RSBN1: variants seen among roughly 807,000 people sequenced by gnomAD.
RSBN1 encodes the protein lysine-specific demethylase 9.
In RSBN1, 23 loss-of-function variants were observed where a neutral mutation model predicts 74.8. That is an observed-to-expected ratio of 0.31 (90% CI 0.22 to 0.44). The LOEUF (loss-of-function observed/expected upper bound fraction) is 0.44. Among genes scored for constraint, RSBN1 ranks in the 20% least tolerant of loss-of-function variants. RSBN1 has a pLI of 1.00. For synonymous variants in RSBN1, 407 were observed against 379.6 expected (o/e 1.07, Z -0.84); for missense variants, 808 against 1,020.9 (o/e 0.79, Z 2.84).
At chr1:113,766,485 A>C in intron 6 of RSBN1, 32 bp from the exon 7 acceptor site, 1 of 1,360,738 alleles carries the variant, frequency 7.3e-7, no homozygotes, top group East Asian at 2.3e-5. Flanking sequence ...GTGAGACTTT[A>C]AAATATGTAA....
chr1:113,811,243 A>C (rs919208398), intron 1 of RSBN1, among the ~76,000 whole-genome samples: 3 of 152,244 alleles, frequency 2.0e-5, no homozygotes, highest in African/African-American at 7.2e-5. Flanking sequence ...AGCTAAGTCA[A>C]CCAGTGAGTC....
intron 1 of RSBN1, among the ~76,000 whole-genome samples, chr1:113,809,165 AG>A (rs1461097837): frequency 6.6e-6 from 1 of 152,182 alleles, no homozygotes; most frequent in African/African-American, 2.4e-5. Context: ...GAGTTGTTTT[AG>A]GGACCATGCA....
chr1:113,770,836 T>C (rs1659873227), intron 4 of RSBN1, among the ~76,000 whole-genome samples: 1 of 151,912 alleles, frequency 6.6e-6, no homozygotes, highest in South Asian at 2.1e-4. Flanking sequence ...AAAAGTCCAG[T>C]AAATGTCTCC....
At position 113,797,920 on chromosome 1, in the gene RSBN1, A is replaced by T. The variant is rs761853551; in HGVS notation, c.820T>A (p.Tyr274Asn). The change falls in exon 2 of 7, where the codon TAC (tyrosine) becomes AAC (asparagine). Residue 274 changes from tyrosine (Y) to asparagine (N), a missense_variant. Tyr to Asn is a moderately radical substitution (Grantham distance 143). Coordinates refer to ENST00000261441, the MANE Select transcript of RSBN1 (RefSeq NM_018364.5). ...EDMRGRRLKM[Y>N]NKEVQTVCAG... ...CAGACGGTTTGTACTTCCTTATTGT[A>T]CATTTTAAGGCGTCTTCCTCGCATG... 2 of 1,610,826 alleles carry T rather than the reference A, an allele frequency of 1.2e-6. No homozygotes were observed. Among genetic ancestry groups the T allele is most frequent in the Non-Finnish European group, 1.7e-6 (2 of 1,179,014 alleles).
intron 1 of RSBN1, among the ~76,000 whole-genome samples, chr1:113,806,993 A>G (rs1660713558): frequency 6.6e-6 from 1 of 151,840 alleles, no homozygotes; most frequent in Non-Finnish European, 1.5e-5. Flanking sequence ...AGCCTGGGTA[A>G]CTGAGTGAGA....
intron 2 of RSBN1, among the ~76,000 whole-genome samples, chr1:113,794,318 A>G (rs978312239): frequency 6.6e-6 from 1 of 152,136 alleles, no homozygotes; most frequent in Non-Finnish European, 1.5e-5. Context: ...CATCCTCCAC[A>G]CTATTATGTA....
At chr1:113,777,960 A>C (rs1052575923) in intron 2 of RSBN1, 152 bp from the exon 3 acceptor site, 1 of 584,150 alleles carries the variant, frequency 1.7e-6, no homozygotes, top group Non-Finnish European at 2.7e-6. Context: ...AGAGGCACCC[A>C]AGCACACTGA....
intron 2 of RSBN1, among the ~76,000 whole-genome samples, chr1:113,792,068 A>C (rs1539437): frequency 0.43 from 65,800 of 152,026 alleles, 15,096 homozygotes; most frequent in East Asian, 0.84. Flanking sequence ...TTATAGAGTA[A>C]TAAAAGTAAT....
At chr1:113,804,907 T>TAAAAAAAAAAAAAA (rs11406398) in intron 1 of RSBN1, among the ~76,000 whole-genome samples, 1 of 131,470 alleles carries the variant, frequency 7.6e-6, no homozygotes, top group Admixed American at 7.8e-5. Flanking sequence ...TGGTCAAGAG[T>TAAAAAAAAAAAAAA]AAAAAAAAAA....
At chr1:113,787,784 A>G (rs911595884) in intron 2 of RSBN1, among the ~76,000 whole-genome samples, 1 of 152,194 alleles carries the variant, frequency 6.6e-6, no homozygotes, top group Admixed American at 6.5e-5. Context: ...CCCAAGAAAC[A>G]ATATCTTTAA....
At chr1:113,784,698 C>G (rs1023935551) in intron 2 of RSBN1, among the ~76,000 whole-genome samples, 2 of 152,220 alleles carry the variant, frequency 1.3e-5, no homozygotes, top group African/African-American at 4.8e-5. Flanking sequence ...TTATAGCTTG[C>G]TGCAGCCAGG....
At chr1:113,810,224 A>G (rs2101831384) in intron 1 of RSBN1, among the ~76,000 whole-genome samples, 1 of 152,320 alleles carries the variant, frequency 6.6e-6, no homozygotes, top group African/African-American at 2.4e-5. Context: ...TTATGCCAAT[A>G]TTCACCTTTT....
In RSBN1 at chr1:113,777,767, A is replaced by G. The variant is rs2101799007; in HGVS notation, c.1419T>C (p.Pro473=). The change falls in exon 3 of 7, where the codon CCT becomes CCC. Residue 473 remains proline, a synonymous_variant. Coordinates refer to ENST00000261441, the MANE Select transcript of RSBN1 (RefSeq NM_018364.5). The part of the protein sequence containing the change: ...TYCCGTYRAG[P]MRQISLVGAV... The stretch of plus-strand genomic sequence containing the variant: ...CTCCAACGAGACTTATCTGCCGCAT[A>G]GGACCTGCTCGGTAGGTGCCACAGC... 1 of 1,609,672 alleles carries G rather than the reference A, an allele frequency of 6.2e-7. No individual in the cohort carries two copies. The highest frequency in any genetic ancestry group is 8.5e-7 in the Non-Finnish European group (1 of 1,177,012).
At chr1:113,799,401 T>C (rs1486894100) in intron 1 of RSBN1, among the ~76,000 whole-genome samples, 1 of 152,056 alleles carries the variant, frequency 6.6e-6, no homozygotes, top group Non-Finnish European at 1.5e-5. Context: ...TAGTGATAAG[T>C]GGGATGCATT....
chr1:113,772,336 T>G lies in RSBN1; in HGVS notation c.1659-3947A>C, dbSNP rs116485465. Among the ~76,000 whole-genome samples, 1,041 of 152,010 alleles carry G rather than the reference T, an allele frequency of 6.8e-3. 12 individuals are homozygous for G. Among genetic ancestry groups the G allele is most frequent in the African/African-American group, 0.023 (951 of 41,452 alleles). ...AAAAATCAAAACCTGTATAAAAACA[T>G]GACATGTATATCATACATATATGCA... is the stretch of plus-strand genomic sequence containing the variant. On this transcript the variant is annotated intron_variant, in intron 4 of 6. Transcript: ENST00000261441.
rs549506403 is a variant in RSBN1 at position 113,791,609 on chromosome 1, G to T, written c.1377+5754C>A. Among the ~76,000 whole-genome samples the T allele has an allele frequency of 5.3e-5, 8 of 152,080 alleles. No individual in the cohort carries two copies. In the South Asian group the frequency reaches 1.0e-3, roughly 20 times the overall value. On this transcript the variant is annotated intron_variant, in intron 2 of 6. Coordinates refer to ENST00000261441, the MANE Select transcript of RSBN1 (RefSeq NM_018364.5). ...CACAGAAAGGAAAAAATTAGCCAGC[G>T]ATCTTCCTAACCTTGTGCCTTGTGA...
intron 2 of RSBN1, among the ~76,000 whole-genome samples, chr1:113,778,041 T>C (rs1030408250): frequency 3.9e-5 from 6 of 152,166 alleles, no homozygotes; most frequent in African/African-American, 1.2e-4. Flanking sequence ...CAAAGAAACA[T>C]TGAAGACATT....
At position 113,777,799 on chromosome 1, in the gene RSBN1, T is replaced by C. The variant is rs746794218; in HGVS notation, c.1387A>G (p.Thr463Ala). The part of the protein sequence containing the change: ...ISNFHTQVNR[T>A]YCCGTYRAGP... ...GCTCGGTAGGTGCCACAGCAGTATG[T>C]CCTGTTGACCTAAGATAAAACAAAA... The change falls in exon 3 of 7, where the codon ACA becomes GCA. Residue 463 changes from threonine (T) to alanine (A), a missense_variant. Physicochemically the swap from Thr to Ala is moderately conservative, Grantham distance 58. Coordinates refer to ENST00000261441, the MANE Select transcript of RSBN1 (RefSeq NM_018364.5). 1 of 1,581,816 alleles carries C rather than the reference T, an allele frequency of 6.3e-7. No individual in the cohort carries two copies.
rs773750604 is a variant in RSBN1 at position 113,800,983 on chromosome 1, AT to A, written c.704-2948del. Among the ~76,000 whole-genome samples, 596 of 145,648 alleles carry A rather than the reference AT, an allele frequency of 4.1e-3. 1 individual carries two copies. Among genetic ancestry groups the A allele is most frequent in the African/African-American group, 6.6e-3 (264 of 40,062 alleles). On this transcript the variant is annotated intron_variant, in intron 1 of 6. Transcript: ENST00000261441. The stretch of plus-strand genomic sequence containing the variant: ...ATCTTCTCACTAATCCTGTTTTTCA[AT>A]TTTTTTTTTTTTTGAGACAGAGTCT...
Sources: allele counts gnomAD v4.1 joint callset (sites outside exome capture counted in the v4.1 genomes callset), GRCh38; gene constraint gnomAD v4.1.1; transcripts MANE v1.5; gene names NCBI Gene and HGNC (gene_info 2026-07-23, HGNC 2026-07-21).